SMAP1: variants seen among roughly 807,000 people sequenced by gnomAD.
The protein encoded by SMAP1 is small ArfGAP 1.
A neutral mutation model predicts 58.5 loss-of-function variants in SMAP1; 24 were observed. The observed-to-expected ratio is 0.41, with a 90% CI of 0.30 to 0.58. SMAP1 has a LOEUF of 0.58. Among genes scored for constraint, SMAP1 ranks in the 20% least tolerant of loss-of-function variants. The pLI, the probability that SMAP1 is intolerant of heterozygous loss-of-function variation, is 0.29. For missense variants in SMAP1, 563 were observed against 566.3 expected, an observed-to-expected ratio of 0.99 and a Z score of 0.06; for synonymous variants, 216 against 196.6, an observed-to-expected ratio of 1.10 and a Z score of -0.82.
chr6:70,832,685 G>A (rs1197488933), intron 6 of SMAP1, among the ~76,000 whole-genome samples: 3 of 152,184 alleles, frequency 2.0e-5, no homozygotes, highest in Non-Finnish European at 2.9e-5. Flanking sequence ...TCATCCCATG[G>A]TTGGAAGCTG....
intron 1 of SMAP1, among the ~76,000 whole-genome samples, chr6:70,689,633 AT>A (rs1767074869): frequency 6.6e-6 from 1 of 152,198 alleles, no homozygotes; most frequent in African/African-American, 2.4e-5. Context: ...ATGGGGAATC[AT>A]TTGAGTCTGT....
At chr6:70,713,061 G>A (rs927408489) in intron 1 of SMAP1, among the ~76,000 whole-genome samples, 3 of 151,940 alleles carry the variant, frequency 2.0e-5, no homozygotes, top group African/African-American at 7.3e-5. Context: ...CCAAAGTGCT[G>A]GAATTACAGG....
chr6:70,777,318 G>A (rs766866952), intron 4 of SMAP1, among the ~76,000 whole-genome samples: 2 of 152,148 alleles, frequency 1.3e-5, no homozygotes, highest in East Asian at 1.9e-4. Context: ...GCTGTAGACC[G>A]GAGCTGTTCC....
At chr6:70,837,784 G>A (rs1355834169) in intron 7 of SMAP1, 1 of 1,220,496 alleles carries the variant, frequency 8.2e-7, no homozygotes, top group Non-Finnish European at 1.1e-6. Flanking sequence ...TTTTTAGTTT[G>A]GAGAAAGATT....
intron 6 of SMAP1, among the ~76,000 whole-genome samples, chr6:70,826,797 G>A (rs1770140131): frequency 1.3e-5 from 2 of 151,858 alleles, no homozygotes; most frequent in African/African-American, 2.4e-5. Context: ...GGGCATTGTG[G>A]TGCACGCCTA....
At chr6:70,706,553 C>A (rs532652831) in intron 1 of SMAP1, among the ~76,000 whole-genome samples, 5 of 152,270 alleles carry the variant, frequency 3.3e-5, no homozygotes, top group Admixed American at 2.0e-4. Context: ...AAAGTGAGTT[C>A]ATATTTTTGG....
intron 6 of SMAP1, among the ~76,000 whole-genome samples, chr6:70,805,128 C>G (rs1250996843): frequency 1.3e-5 from 2 of 152,150 alleles, no homozygotes; most frequent in Non-Finnish European, 2.9e-5. Flanking sequence ...CCATCACTTT[C>G]AGGTACACCA....
chr6:70,738,611 C>T (rs960846263), intron 2 of SMAP1, among the ~76,000 whole-genome samples: 3 of 152,002 alleles, frequency 2.0e-5, no homozygotes, highest in Admixed American at 1.3e-4. Flanking sequence ...TTTGATCTTT[C>T]CTAGAAAAAA....
At chr6:70,686,814 A>T (rs530516829) in intron 1 of SMAP1, among the ~76,000 whole-genome samples, 6 of 152,360 alleles carry the variant, frequency 3.9e-5, no homozygotes, top group African/African-American at 1.4e-4. Context: ...CTGTAATTTC[A>T]AAAGTTGTCA....
At chr6:70,820,706 GAA>G (rs766717489) in intron 6 of SMAP1, among the ~76,000 whole-genome samples, 9 of 133,190 alleles carry the variant, frequency 6.8e-5, no homozygotes, top group Admixed American at 7.5e-5. Context: ...CTCCATCTCG[GAA>G]AAAAAAAAAA....
Position 70,760,001 on chromosome 6 carries a change from T to G in SMAP1, c.338+4936T>G, listed in dbSNP as rs571806314. ...TTTGTGGGGAGTGGGGTGGGAAGGA[T>G]GAGATGCTCAAAGAGCTATTAAGAA... On this transcript the variant is annotated intron_variant, in intron 3 of 10. Coordinates refer to ENST00000370455, the MANE Select transcript of SMAP1 (RefSeq NM_001044305.3). 8.4e-4 allele frequency: 236 copies of G among 280,906 alleles called. 4 individuals are homozygous for G. The highest frequency in any genetic ancestry group is 7.8e-3 in the South Asian group (222 of 28,602). 17.4% of individuals were successfully genotyped at this position (280,906 alleles called of 1,614,324 possible).
rs753110902 is a variant in SMAP1 at position 70,668,034 on chromosome 6, G to C, written c.11G>C (p.Arg4Pro). 1.9e-6 allele frequency: 3 copies of C among 1,598,816 alleles called. No homozygotes were observed. The highest frequency in any genetic ancestry group is 1.7e-5 in the Admixed American group (1 of 58,734). Reference protein sequence around the residue: MATRSCREKAQKLN... With the variant: MATPSCREKAQKLN... ...CGCCCCGCTGCCGAGATGGCGACGC[G>C]CTCCTGTCGGGAGAAGGCTCAGAAG... The change falls in exon 1 of 11, where the codon CGC becomes CCC. Residue 4 changes from arginine to proline, a missense_variant. This residue lies in a region of SMAP1 where 52 missense variants were observed against 46.6 expected (regional missense o/e 1.11). Coordinates refer to ENST00000370455, the MANE Select transcript of SMAP1 (RefSeq NM_001044305.3).
chr6:70,748,370 GT>G (rs1766134815), intron 2 of SMAP1, among the ~76,000 whole-genome samples: 1 of 152,044 alleles, frequency 6.6e-6, no homozygotes, highest in Non-Finnish European at 1.5e-5. Context: ...AGAGCAAGTA[GT>G]TTCCCCCCTC....
chr6:70,791,832 C>A, intron 5 of SMAP1, 63 bp downstream of exon 5: 1 of 1,377,992 alleles, frequency 7.3e-7, no homozygotes, highest in Non-Finnish European at 1.0e-6. Flanking sequence ...CTTCCTTTTG[C>A]AGTGTGTCAT....
chr6:70,858,287 CTTTTTTTTTTTTTT>C (rs68188898), intron 10 of SMAP1, 58 bp downstream of exon 10: 125 of 290,720 alleles, frequency 4.3e-4, no homozygotes, highest in Non-Finnish European at 6.3e-4. Flanking sequence ...TTTTCTAAAT[CTTTTTTTTTTTTTT>C]TTTTTTTTTT....
intron 3 of SMAP1, among the ~76,000 whole-genome samples, chr6:70,766,577 A>T (rs1460059243): frequency 7.2e-5 from 11 of 152,032 alleles, no homozygotes; most frequent in Non-Finnish European, 1.5e-5. Context: ...TCCTTTGCCC[A>T]CTTTTTGATG....
intron 6 of SMAP1, among the ~76,000 whole-genome samples, chr6:70,807,193 A>G (rs1393701974): frequency 1.3e-5 from 2 of 152,142 alleles, no homozygotes; most frequent in African/African-American, 2.4e-5. Context: ...GCAGTCTACT[A>G]CTTTTGTTTA....
chr6:70,842,622 CT>C, intron 7 of SMAP1, among the ~76,000 whole-genome samples: 1 of 152,154 alleles, frequency 6.6e-6, no homozygotes, highest in Non-Finnish European at 1.5e-5. Context: ...CGACTTCAAA[CT>C]ACGAGTAACA....
chr6:70,811,821 A>G (rs966227215), intron 6 of SMAP1, among the ~76,000 whole-genome samples: 5 of 152,138 alleles, frequency 3.3e-5, no homozygotes, highest in African/African-American at 1.2e-4. Context: ...TGGAGGGCCA[A>G]CTGTATCCAG....
Sources: allele counts gnomAD v4.1 joint callset (sites outside exome capture counted in the v4.1 genomes callset), GRCh38; gene constraint gnomAD v4.1.1; regional missense constraint gnomAD v4.1.1; transcripts MANE v1.5; gene names NCBI Gene and HGNC (gene_info 2026-07-23, HGNC 2026-07-21).